Variants in VPS52 observed in about 807,000 individuals in gnomAD.
The protein encoded by VPS52 is vacuolar protein sorting-associated protein 52 homolog.
VPS52 carries 56 observed loss-of-function variants against 98.7 expected under a neutral mutation model. The ratio of observed to expected loss-of-function variants is 0.57; its 90% CI spans 0.46 to 0.71. The LOEUF (loss-of-function observed/expected upper bound fraction) is 0.71, where lower values mean the gene tolerates loss of function less well. Ranked by LOEUF, VPS52 falls within the 30% of genes least tolerant of loss-of-function variation. The pLI is 0.00. For missense variants in VPS52, 742 were observed against 925.9 expected, an observed-to-expected ratio of 0.80 and a Z score of 2.58; for synonymous variants, 348 against 346.4, an observed-to-expected ratio of 1.00 and a Z score of -0.05.
chr6:33,268,672 A>T lies in VPS52; in HGVS notation c.549-23T>A, dbSNP rs775236898. On this transcript the variant is annotated intron_variant, in intron 6 of 19. Transcript: ENST00000445902. This position sits in a 1 kb window ranked among gnomAD's most constrained non-coding sequence, Gnocchi z 4.0. Reference sequence around the variant, plus strand: ...GCCCTGGTTAGCAGGGAGGGGTGGGATGAGTTACAAGGGAGACCCAGACAT... The same window carrying T: ...GCCCTGGTTAGCAGGGAGGGGTGGGTTGAGTTACAAGGGAGACCCAGACAT... The T allele has an allele frequency of 1.9e-6, 3 of 1,583,592 alleles. No homozygotes were observed. Among genetic ancestry groups the T allele is most frequent in the Non-Finnish European group, 2.6e-6 (3 of 1,170,274 alleles).
At position 33,268,429 on chromosome 6, in the gene VPS52, G is replaced by A; in HGVS notation, c.699+70C>T. ...ACAGGCTACAGTGAGCTCTGCCAAG[G>A]AAATCCATAGTGAAGATCTTGGGAA... On this transcript the variant is annotated intron_variant, in intron 7 of 19. Transcript: ENST00000445902. The surrounding 1 kb of genome is among the most constrained non-coding windows in gnomAD (Gnocchi z 4.0). 6.5e-7 allele frequency: 1 copy of A among 1,527,466 alleles called. No homozygotes were observed. Among genetic ancestry groups the A allele is most frequent in the Non-Finnish European group, 8.8e-7 (1 of 1,133,978 alleles). The allele number at this position is 1,527,466 out of a possible 1,614,324, so 94.6% of individuals were successfully genotyped here. A position where few individuals can be genotyped will look rare whatever the true frequency, so the allele number is the denominator to read the frequency against.
intron 17 of VPS52, among the ~76,000 whole-genome samples, chr6:33,260,623 CTTTT>C (rs1491330382): frequency 6.6e-6 from 1 of 152,070 alleles, no homozygotes; most frequent in Admixed American, 6.6e-5. Context: ...TTTTTTCCCC[CTTTT>C]TTTGTGTGTG....
intron 19 of VPS52, 34 bp downstream of exon 19, chr6:33,251,484 G>T: frequency 1.5e-6 from 2 of 1,345,638 alleles, no homozygotes; most frequent in Non-Finnish European, 2.1e-6. Context: ...TTAATGATGG[G>T]GGATCTGAGT....
rs1763960988 is a variant in VPS52 at position 33,263,896 on chromosome 6, G to A, written c.1621-17C>T. 6.2e-7 allele frequency: 1 copy of A among 1,614,166 alleles called. No individual in the cohort carries two copies. The highest frequency in any genetic ancestry group is 8.5e-7 in the Non-Finnish European group (1 of 1,180,006). On this transcript the variant is annotated splice_polypyrimidine_tract_variant and intron_variant, in intron 15 of 19. Coordinates refer to ENST00000445902, the MANE Select transcript of VPS52 (RefSeq NM_022553.6). ...CACCTCCACCTGAAAAGGCAGAGAGGAAGAGGTGACACCAGAAAGCAAGGT... is the reference window on the plus strand; with the variant it reads ...CACCTCCACCTGAAAAGGCAGAGAGAAAGAGGTGACACCAGAAAGCAAGGT...
At chr6:33,251,459 A>C in intron 19 of VPS52, 59 bp downstream of exon 19, 2 of 1,211,918 alleles carry the variant, frequency 1.7e-6, no homozygotes, top group East Asian at 2.3e-5. Flanking sequence ...CCCAGCAAAA[A>C]GATGGGGAAA....
At position 33,250,848 on chromosome 6, in the gene VPS52, T is replaced by C. The variant is rs1762136514; in HGVS notation, c.2165A>G (p.Asn722Ser). 6.2e-7 allele frequency: 1 copy of C among 1,610,848 alleles called. No homozygotes were observed. Among genetic ancestry groups the C allele is most frequent in the Non-Finnish European group, 8.5e-7 (1 of 1,178,348 alleles). ...LMVELKKHKP[N>S]F ...AGGGCGGTTTCTGGCACATCAGAAGTTGGGCTTATGCTTCTTGAGCTCCAC... is the reference window on the plus strand; with the variant it reads ...AGGGCGGTTTCTGGCACATCAGAAGCTGGGCTTATGCTTCTTGAGCTCCAC... Residue 722 changes from asparagine (N) to serine (S), a missense_variant, in exon 20 of 20, where the codon AAC (asparagine) becomes AGC (serine). Physicochemically the swap from Asn to Ser is conservative, Grantham distance 46. Around this residue, in one of 2 missense-constraint regions of VPS52, gnomAD observed 590 missense variants for 793.3 expected, o/e 0.74. Coordinates refer to ENST00000445902, the MANE Select transcript of VPS52 (RefSeq NM_022553.6).
chr6:33,253,174 G>T (rs1762513892), intron 17 of VPS52, among the ~76,000 whole-genome samples: 1 of 152,104 alleles, frequency 6.6e-6, no homozygotes, highest in Non-Finnish European at 1.5e-5. Flanking sequence ...ACTTTATATG[G>T]ATCCTGATTT....
At chr6:33,271,199 T>A (rs1765017364) in intron 1 of VPS52, 1 of 591,336 alleles carries the variant, frequency 1.7e-6, no homozygotes, top group African/African-American at 1.9e-5. Context: ...ATACAATAGG[T>A]TCTATCTTCC....
chr6:33,269,951 T>G, intron 3 of VPS52, 48 bp downstream of exon 3: 1 of 1,612,800 alleles, frequency 6.2e-7, no homozygotes, highest in Non-Finnish European at 8.5e-7. Context: ...TTTTTCCTTT[T>G]GGGGTAGAAT....
At chr6:33,271,956 A>C, upstream of VPS52, 5 of 1,075,310 alleles carry the variant, frequency 4.6e-6, no homozygotes, top group Middle Eastern at 2.9e-4. Flanking sequence ...TGTGGTACCC[A>C]AGCCATACTC....
chr6:33,269,600 G>T, intron 4 of VPS52, 43 bp from the exon 5 acceptor site: 1 of 1,591,726 alleles, frequency 6.3e-7, no homozygotes, highest in Non-Finnish European at 8.6e-7. Context: ...GAAGATGGGA[G>T]ATCCTCAGAT....
At chr6:33,259,917 A>G (rs1046650192) in intron 17 of VPS52, among the ~76,000 whole-genome samples, 3 of 152,186 alleles carry the variant, frequency 2.0e-5, no homozygotes, top group African/African-American at 4.8e-5. Flanking sequence ...CTAATACTGC[A>G]TATCTTATTA....
rs756110914 is a variant in VPS52 at position 33,266,576 on chromosome 6, C to T, written c.1262G>A (p.Arg421His). Residue 421 changes from arginine (R) to histidine (H), a missense_variant, in exon 12 of 20, where the codon CGT (arginine) becomes CAT (histidine). By Grantham distance (29) the Arg-to-His change is conservative. Coordinates refer to ENST00000445902, the MANE Select transcript of VPS52 (RefSeq NM_022553.6). ...TCTTACCAGGGTCATGCTGAGTGTA[C>T]GGCCCATGACAGCATGGAACAGGTC... ...AHDLFHAVMG[R>H]TLSMTLKHLD... 2.0e-5 allele frequency: 32 copies of T among 1,608,018 alleles called. No homozygotes were observed. The highest frequency in any genetic ancestry group is 1.7e-4 in the Middle Eastern group (1 of 6,022).
intron 12 of VPS52, among the ~76,000 whole-genome samples, chr6:33,265,877 T>G (rs112097625): frequency 0.023 from 3,566 of 152,176 alleles, 139 homozygotes; most frequent in African/African-American, 0.08. Flanking sequence ...GTAACAAGTT[T>G]TTTTTTTGAG....
chr6:33,263,763 A>G lies in VPS52; in HGVS notation c.1728+9T>C. On this transcript the variant is annotated intron_variant, in intron 16 of 19. Coordinates refer to ENST00000445902, the MANE Select transcript of VPS52 (RefSeq NM_022553.6). ...GGGTAGGAAGGCAAGGAGAAGGAGC[A>G]CCTATTACCATCAGCACACCCAGCA... 2 of 1,614,150 alleles carry G rather than the reference A, an allele frequency of 1.2e-6. No homozygotes were observed. The highest frequency in any genetic ancestry group is 1.7e-6 in the Non-Finnish European group (2 of 1,179,984).
In VPS52 at chr6:33,251,503, G is replaced by A. The variant is rs1288988644; in HGVS notation, c.2025+15C>T. 6.6e-7 allele frequency: 1 copy of A among 1,525,636 alleles called. No individual in the cohort carries two copies. The highest frequency in any genetic ancestry group is 9.1e-7 in the Non-Finnish European group (1 of 1,101,824). The allele number at this position is 1,525,636 out of a possible 1,614,324, so 94.5% of individuals were successfully genotyped here. A position where few individuals can be genotyped will look rare whatever the true frequency, so the allele number is the denominator to read the frequency against. ...TGATGGGGGATCTGAGTGGGGCCTG[G>A]GACTTGCAGGTCACCTGAATGATAC... On this transcript the variant is annotated intron_variant, in intron 19 of 19. Transcript: ENST00000445902.
At position 33,264,094 on chromosome 6, in the gene VPS52, G is replaced by A. The variant is rs370078243; in HGVS notation, c.1534C>T (p.Arg512Cys). 8 of 1,613,972 alleles carry A rather than the reference G, an allele frequency of 5.0e-6. No homozygotes were observed. The highest frequency in any genetic ancestry group is 1.3e-5 in the African/African-American group (1 of 74,912). The part of the protein sequence containing the change: ...LDTRPHYITR[R>C]YAEFSSALVS... ...AGAGCGGAGGAGAACTCTGCATAGC[G>A]GCGTGTGATCTAGGAGAGAGTGGGA... The change falls in exon 15 of 20, where the codon CGC (arginine) becomes TGC (cysteine). Residue 512 changes from arginine to cysteine, a missense_variant. Coordinates refer to ENST00000445902, the MANE Select transcript of VPS52 (RefSeq NM_022553.6).
At chr6:33,264,998 C>A in intron 12 of VPS52, 98 bp from the exon 13 acceptor site, 1 of 1,044,168 alleles carries the variant, frequency 9.6e-7, no homozygotes, top group South Asian at 1.3e-5. Context: ...GGGGATGATG[C>A]ACTGGACAGG....
At chr6:33,256,164 G>A (rs1387290732) in intron 17 of VPS52, among the ~76,000 whole-genome samples, 6 of 152,172 alleles carry the variant, frequency 3.9e-5, no homozygotes, top group African/African-American at 1.4e-4. Context: ...TCTTTGTGCT[G>A]AAAATTTAAA....
Sources: gnomAD v4.1 joint callset for allele counts (sites outside exome capture counted in the v4.1 genomes callset) on GRCh38, gnomAD v4.1.1 for gene constraint, gnomAD v4.1.1 regional missense constraint, Gnocchi (gnomAD v3.1) non-coding constraint, MANE v1.5 for transcripts, NCBI Gene and HGNC (gene_info 2026-07-23, HGNC 2026-07-21) for gene names.